The following ELF2 variants were observed in gnomAD, a reference collection of about 807,000 sequenced individuals.
ELF2 encodes the protein E74 like ETS transcription factor 2.
ELF2 carries 11 observed loss-of-function variants against 54.8 expected under a neutral mutation model. The ratio of observed to expected loss-of-function variants is 0.20; its 90% CI spans 0.13 to 0.33. The LOEUF is 0.33. Ranked by LOEUF, ELF2 falls within the 10% of genes least tolerant of loss-of-function variation. ELF2 has a pLI of 1.00. For synonymous variants in ELF2, 203 were observed against 245.1 expected (o/e 0.83, Z 1.61); for missense variants, 513 against 703.0 (o/e 0.73, Z 3.06).
chr4:139,069,409 C>G (rs1452796154), intron 6 of ELF2, among the ~76,000 whole-genome samples: 1 of 152,144 alleles, frequency 6.6e-6, no homozygotes, highest in East Asian at 1.9e-4. Context: ...TAGAATACAG[C>G]TTAATTACTC....
chr4:139,154,152 G>A (rs1056025423), intron 1 of ELF2, among the ~76,000 whole-genome samples: 5 of 152,170 alleles, frequency 3.3e-5, no homozygotes, highest in Non-Finnish European at 7.3e-5. Flanking sequence ...TGAAGAGCTA[G>A]TATGATTTAA....
At chr4:139,084,295 C>T (rs931646608) in intron 4 of ELF2, 55 of 1,598,798 alleles carry the variant, frequency 3.4e-5, no homozygotes, top group Non-Finnish European at 4.4e-5. Flanking sequence ...GCCGTGCGAC[C>T]GACACACACT....
intron 3 of ELF2, among the ~76,000 whole-genome samples, chr4:139,131,548 G>A (rs1054359576): frequency 7.2e-5 from 11 of 152,112 alleles, no homozygotes; most frequent in African/African-American, 2.2e-4. Flanking sequence ...TAAAATTCAG[G>A]AGTATGTGAA....
intron 4 of ELF2, among the ~76,000 whole-genome samples, chr4:139,091,571 C>T: frequency 6.6e-6 from 1 of 152,174 alleles, no homozygotes; most frequent in Non-Finnish European, 1.5e-5. Flanking sequence ...GCAGCCTCAA[C>T]CTCCTGGGCT....
Position 139,073,531 on chromosome 4 carries a change from G to T in ELF2, c.275C>A (p.Thr92Lys). The T allele has an allele frequency of 6.2e-7, 1 of 1,605,000 alleles. No homozygotes were observed. Among genetic ancestry groups the T allele is most frequent in the Non-Finnish European group, 8.5e-7 (1 of 1,174,124 alleles). ...ASVHSSNAHC[T>K]DKTIEAAEAL... ...TTCAGCAGCTTCAATTGTCTTATCT[G>T]TACAGTGTGCATTACTGCTGTGAAC... is the stretch of plus-strand genomic sequence containing the variant. Residue 92 changes from threonine (T) to lysine (K), a missense_variant, in exon 5 of 10, where the codon ACA becomes AAA. Physicochemically the swap from Thr to Lys is moderately conservative, Grantham distance 78. Transcript: ENST00000686138.
At chr4:139,108,350 G>A (rs1046402862) in intron 4 of ELF2, among the ~76,000 whole-genome samples, 5 of 152,118 alleles carry the variant, frequency 3.3e-5, no homozygotes, top group Admixed American at 6.5e-5. Flanking sequence ...TTAAATTAAC[G>A]ATAGAAGGGA....
chr4:139,170,596 G>C (rs1214304555), intron 1 of ELF2, among the ~76,000 whole-genome samples: 1 of 150,490 alleles, frequency 6.6e-6, no homozygotes, highest in Non-Finnish European at 1.5e-5. Flanking sequence ...ACCAGCAACA[G>C]ACTGTAAAGA....
At chr4:139,172,045 C>T (rs543729808) in intron 1 of ELF2, among the ~76,000 whole-genome samples, 62 of 152,260 alleles carry the variant, frequency 4.1e-4, no homozygotes, top group East Asian at 1.5e-3. Context: ...GACGTTATGG[C>T]CACTTTGGGA....
intron 4 of ELF2, among the ~76,000 whole-genome samples, chr4:139,121,839 T>C (rs768505530): frequency 4.6e-4 from 70 of 152,200 alleles, no homozygotes; most frequent in Non-Finnish European, 8.2e-4. Flanking sequence ...GTTTCTCCTA[T>C]ACAATTTAAG....
Position 139,118,134 on chromosome 4 carries a change from A to C in ELF2, c.238+7030T>G, listed in dbSNP as rs533529819. On this transcript the variant is annotated intron_variant, in intron 4 of 9. Transcript: ENST00000686138. ...TTTCCAGCTAGTTATTATATGTTCA[A>C]CAGTATATTTAACAAAAGAAAAAAG... 1.1e-4 allele frequency among the ~76,000 whole-genome samples: 17 copies of C among 152,304 alleles called. No homozygotes were observed. The South Asian group carries it at 3.5e-3, about 32-fold the overall frequency.
intron 4 of ELF2, among the ~76,000 whole-genome samples, chr4:139,119,634 GC>G (rs1736108972): frequency 6.6e-6 from 1 of 152,174 alleles, no homozygotes; most frequent in South Asian, 2.1e-4. Flanking sequence ...CTGCAGTACT[GC>G]CCTGTCTCTT....
rs372121366 is a variant in ELF2, at chr4:139,058,899, T to C, written c.*84A>G. 4.7e-6 allele frequency: 7 copies of C among 1,504,166 alleles called. No homozygotes were observed. In the South Asian group the frequency reaches 5.5e-5, roughly 12 times the overall value. 93.2% of individuals were successfully genotyped at this position (1,504,166 alleles called of 1,614,324 possible). On this transcript the variant is annotated 3_prime_UTR_variant, in exon 10 of 10. Coordinates refer to ENST00000686138, the MANE Select transcript of ELF2 (RefSeq NM_001331036.3). Reference sequence around the variant, plus strand: ...CATTAAAAATGTTTTAAAGTCTTCTTTGACTTTTCTTGATGACTTCCCTTG... The same window carrying C: ...CATTAAAAATGTTTTAAAGTCTTCTCTGACTTTTCTTGATGACTTCCCTTG...
chr4:139,173,442 T>C (rs1022669695), intron 1 of ELF2, among the ~76,000 whole-genome samples: 2 of 151,984 alleles, frequency 1.3e-5, no homozygotes, highest in Non-Finnish European at 2.9e-5. Flanking sequence ...TGTCCATAAA[T>C]AGAATATTAC....
chr4:139,149,842 A>G (rs1008961399), intron 1 of ELF2, among the ~76,000 whole-genome samples: 1 of 152,194 alleles, frequency 6.6e-6, no homozygotes, highest in Non-Finnish European at 1.5e-5. Flanking sequence ...AAAAAATTCA[A>G]TGTATTTCCA....
chr4:139,123,916 C>CTATATATATATATATA (rs1736644368), intron 4 of ELF2, among the ~76,000 whole-genome samples: 1 of 152,216 alleles, frequency 6.6e-6, no homozygotes, highest in Non-Finnish European at 1.5e-5. Context: ...AACTCTGCCA[C>CTATATATATATATATA]TATACTTCTA....
chr4:139,164,649 A>G (rs988900540), intron 1 of ELF2, among the ~76,000 whole-genome samples: 4 of 152,250 alleles, frequency 2.6e-5, no homozygotes, highest in Admixed American at 2.0e-4. Flanking sequence ...AACAACAACA[A>G]ATATCTAAAA....
intron 4 of ELF2, among the ~76,000 whole-genome samples, chr4:139,095,603 AG>A (rs1733181143): frequency 2.0e-5 from 3 of 152,236 alleles, no homozygotes; most frequent in African/African-American, 7.2e-5. Flanking sequence ...TGATTACATG[AG>A]TATTCTCCTT....
At chr4:139,097,001 T>C (rs775454302) in intron 4 of ELF2, among the ~76,000 whole-genome samples, 1 of 152,184 alleles carries the variant, frequency 6.6e-6, no homozygotes, top group African/African-American at 2.4e-5. Flanking sequence ...TTGACTTTCA[T>C]CTTTATTTTT....
intron 1 of ELF2, among the ~76,000 whole-genome samples, chr4:139,167,852 G>A (rs1363786173): frequency 3.3e-5 from 5 of 152,182 alleles, no homozygotes; most frequent in Admixed American, 1.3e-4. Flanking sequence ...CGATGGTTCC[G>A]CACTGTAGAC....
Sources: gnomAD v4.1 joint callset for allele counts (sites outside exome capture counted in the v4.1 genomes callset) on GRCh38, gnomAD v4.1.1 for gene constraint, MANE v1.5 for transcripts, NCBI Gene and HGNC (gene_info 2026-07-23, HGNC 2026-07-21) for gene names.